SEPTIN9: variants seen among roughly 807,000 people sequenced by gnomAD.
SEPTIN9 encodes the protein septin 9.
Under a neutral mutation model 56.6 loss-of-function variants are expected in SEPTIN9, and 13 were observed. The ratio of observed to expected loss-of-function variants is 0.23; its 90% confidence interval spans 0.15 to 0.37. SEPTIN9 has a LOEUF of 0.37. Ranked by LOEUF, SEPTIN9 falls within the 10% of genes least tolerant of loss-of-function variation. The pLI is 1.00. For missense variants in SEPTIN9, 650 were observed against 823.1 expected, an observed-to-expected ratio of 0.79 and a Z score of 2.57; for synonymous variants, 332 against 334.1, an observed-to-expected ratio of 0.99 and a Z score of 0.07.
Position 77,316,559 on chromosome 17 carries a change from C to T in SEPTIN9, c.76+9362C>T, listed in dbSNP as rs537647780. On this transcript the variant is annotated intron_variant, in intron 2 of 11. Coordinates refer to ENST00000427177, the MANE Select transcript of SEPTIN9 (RefSeq NM_001113491.2). ...TGGGTGAATGAACTCAGTCATAGCC[C>T]GGCCCCTCACTCGGGGCTGTTCCCA... Among the ~76,000 whole-genome samples the T allele has an allele frequency of 1.9e-3, 293 of 152,302 alleles. 1 individual carries two copies. The highest frequency in any genetic ancestry group is 2.5e-3 in the Non-Finnish European group (170 of 68,012).
chr17:77,306,022 G>A (rs1432063829), intron 1 of SEPTIN9, among the ~76,000 whole-genome samples: 1 of 147,124 alleles, frequency 6.8e-6, no homozygotes, highest in Admixed American at 6.7e-5. Context: ...GTGAAGGGCT[G>A]AATAGGTGGG....
At chr17:77,413,087 CGT>C (rs3047410) in intron 3 of SEPTIN9, among the ~76,000 whole-genome samples, 43,752 of 143,496 alleles carry the variant, frequency 0.3, 6,538 homozygotes, top group Non-Finnish European at 0.36. Flanking sequence ...GCGGGTGGGG[CGT>C]GTGTGTGTGT....
chr17:77,319,744 TC>T lies in SEPTIN9; in HGVS notation c.76+12548del. 1.9e-6 allele frequency: 2 copies of T among 1,070,964 alleles called. No individual in the cohort carries two copies. The highest frequency in any genetic ancestry group is 2.3e-6 in the Non-Finnish European group (2 of 882,224). 66.3% of individuals were successfully genotyped at this position (1,070,964 alleles called of 1,614,324 possible). On this transcript the variant is annotated intron_variant, in intron 2 of 11. Coordinates refer to ENST00000427177, the MANE Select transcript of SEPTIN9 (RefSeq NM_001113491.2). This position sits in a 1 kb window ranked among gnomAD's most constrained non-coding sequence, Gnocchi z 5.3. Reference sequence around the variant, plus strand: ...TTTTAAACCCTTAAGCCCAAGGAAATCGTAGCATCGCGGGACAGGGAAAATG... The same window carrying T: ...TTTTAAACCCTTAAGCCCAAGGAAATGTAGCATCGCGGGACAGGGAAAATG...
chr17:77,433,000 G>C (rs535765433), intron 3 of SEPTIN9, among the ~76,000 whole-genome samples: 9 of 152,286 alleles, frequency 5.9e-5, no homozygotes, highest in Admixed American at 3.9e-4. Context: ...AGAATCCCCT[G>C]TCGCCGTGGC....
chr17:77,472,153 G>C (rs2039028032), intron 3 of SEPTIN9, among the ~76,000 whole-genome samples: 1 of 152,204 alleles, frequency 6.6e-6, no homozygotes, highest in African/African-American at 2.4e-5. Flanking sequence ...GGCTAGGGAG[G>C]TGGTGGGTTG....
intron 2 of SEPTIN9, among the ~76,000 whole-genome samples, chr17:77,321,141 C>T (rs1010909518): frequency 1.3e-5 from 2 of 152,206 alleles, no homozygotes; most frequent in African/African-American, 2.4e-5. Flanking sequence ...CCGCTCATGC[C>T]GCCCTCTGAG....
rs550850982 is a variant in SEPTIN9, at chr17:77,492,921, C to T, written c.1477-59C>T. The stretch of plus-strand genomic sequence containing the variant: ...CTCAGGGCAGCTCCTCCCGGGGGCC[C>T]AGGGGAGGGAATTGCCTTCCCGCAC... On this transcript the variant is annotated intron_variant, in intron 9 of 11. Coordinates refer to ENST00000427177, the MANE Select transcript of SEPTIN9 (RefSeq NM_001113491.2). The surrounding 1 kb of genome is among the most constrained non-coding windows in gnomAD (Gnocchi z 5.4). 2.0e-6 allele frequency: 3 copies of T among 1,487,132 alleles called. No homozygotes were observed. Among genetic ancestry groups the T allele is most frequent in the African/African-American group, 2.8e-5 (2 of 71,890 alleles). 92.1% of individuals were successfully genotyped at this position (1,487,132 alleles called of 1,614,324 possible). A position where few individuals can be genotyped will look rare whatever the true frequency, so the allele number is the denominator to read the frequency against.
At chr17:77,454,910 T>C (rs1267553452) in intron 3 of SEPTIN9, among the ~76,000 whole-genome samples, 1 of 151,902 alleles carries the variant, frequency 6.6e-6, no homozygotes, top group South Asian at 2.1e-4. Flanking sequence ...CCCAGCCGAC[T>C]CCGGGGCTGC....
At chr17:77,417,282 G>A (rs1000899750) in intron 3 of SEPTIN9, among the ~76,000 whole-genome samples, 6 of 152,224 alleles carry the variant, frequency 3.9e-5, no homozygotes, top group Admixed American at 2.0e-4. Context: ...TGTGCCTTGT[G>A]TGTCTCCAGC....
chr17:77,291,346 T>G (rs964911606), intron 1 of SEPTIN9, among the ~76,000 whole-genome samples: 2 of 150,866 alleles, frequency 1.3e-5, no homozygotes, highest in African/African-American at 2.4e-5. Flanking sequence ...CCTGGCTAAT[T>G]TTTAAAAAAT....
In SEPTIN9 at chr17:77,499,028, C is replaced by G; in HGVS notation, c.*370C>G. 1.9e-6 allele frequency: 1 copy of G among 539,276 alleles called. No homozygotes were observed. The highest frequency in any genetic ancestry group is 3.6e-6 in the Non-Finnish European group (1 of 278,622). The allele number at this position is 539,276 out of a possible 1,614,324, so 33.4% of individuals were successfully genotyped here. A position where few individuals can be genotyped will look rare whatever the true frequency, so the allele number is the denominator to read the frequency against. ...GGAGGCCTTGGGGTGGGGGCCAGGC[C>G]TCGCACTTGCAGAGGAGCCCAGTGG... is the stretch of plus-strand genomic sequence containing the variant. On this transcript the variant is annotated 3_prime_UTR_variant, in exon 12 of 12. Transcript: ENST00000427177.
At chr17:77,320,258 G>A (rs1167268598) in intron 2 of SEPTIN9, 16 of 1,611,704 alleles carry the variant, frequency 9.9e-6, no homozygotes, top group African/African-American at 1.3e-5. Context: ...GGCGACGGGG[G>A]TGAGAAAGGG....
chr17:77,481,803 C>T (rs780494320), intron 3 of SEPTIN9: 8 of 344,466 alleles, frequency 2.3e-5, no homozygotes, highest in Non-Finnish European at 4.3e-5. Flanking sequence ...CTCCAGGGTA[C>T]GGAGACAGGA....
chr17:77,325,594 C>T (rs1200911377), intron 2 of SEPTIN9, among the ~76,000 whole-genome samples: 1 of 152,180 alleles, frequency 6.6e-6, no homozygotes, highest in Non-Finnish European at 1.5e-5. Context: ...GCGGACATGC[C>T]CCTTGTTCTA....
intron 2 of SEPTIN9, among the ~76,000 whole-genome samples, chr17:77,360,772 G>A (rs944665895): frequency 2.0e-5 from 3 of 152,002 alleles, no homozygotes; most frequent in African/African-American, 7.2e-5. Flanking sequence ...CACCGTGTTA[G>A]CCAGGATGGT....
intron 3 of SEPTIN9, among the ~76,000 whole-genome samples, chr17:77,464,653 T>C (rs908029477): frequency 6.6e-6 from 1 of 150,936 alleles, no homozygotes; most frequent in Non-Finnish European, 1.5e-5. Flanking sequence ...CAGGCTGGAG[T>C]GCAGTGGCGC....
rs574288186 is a variant in SEPTIN9, at chr17:77,462,803, G to A, written c.722-19341G>A. ...ACTACAGGCGTGTGCCACCACACCC[G>A]GCTGATTTTTGTATTTTTAGTAGGG... is the stretch of plus-strand genomic sequence containing the variant. On this transcript the variant is annotated intron_variant, in intron 3 of 11. Transcript: ENST00000427177. 7.2e-5 allele frequency among the ~76,000 whole-genome samples: 11 copies of A among 152,170 alleles called. No individual in the cohort carries two copies. In the East Asian group the frequency reaches 1.9e-3, roughly 27 times the overall value.
chr17:77,314,831 C>A (rs2032638331), intron 2 of SEPTIN9, among the ~76,000 whole-genome samples: 1 of 152,202 alleles, frequency 6.6e-6, no homozygotes, highest in African/African-American at 2.4e-5. Flanking sequence ...GGAGCACAGT[C>A]CACCCTGGGG....
At position 77,492,005 on chromosome 17, in the gene SEPTIN9, G is replaced by C. The variant is rs1478680248; in HGVS notation, c.1381-616G>C. Among the ~76,000 whole-genome samples, 2 of 151,982 alleles carry C rather than the reference G, an allele frequency of 1.3e-5. No individual in the cohort carries two copies. The highest frequency in any genetic ancestry group is 2.9e-5 in the Non-Finnish European group (2 of 67,992). On this transcript the variant is annotated intron_variant, in intron 8 of 11. Coordinates refer to ENST00000427177, the MANE Select transcript of SEPTIN9 (RefSeq NM_001113491.2). The surrounding 1 kb of genome is among the most constrained non-coding windows in gnomAD (Gnocchi z 5.4). ...ATGAAACCGAGGTGCCTGGGCTGCG[G>C]CACCACATCTGCCTCGGTGGGTGTG...
Sources: allele counts gnomAD v4.1 joint callset (sites outside exome capture counted in the v4.1 genomes callset), GRCh38; gene constraint gnomAD v4.1.1; non-coding constraint Gnocchi (gnomAD v3.1); transcripts MANE v1.5; gene names NCBI Gene and HGNC (gene_info 2026-07-23, HGNC 2026-07-21).